The following PCDHA9 variants were observed in gnomAD, a reference collection of about 807,000 sequenced individuals.
PCDHA9 encodes protocadherin alpha-9.
A neutral mutation model predicts 62.0 loss-of-function variants in PCDHA9; 62 were observed. That is an observed-to-expected ratio of 1.00 (90% CI 0.81 to 1.23). The LOEUF (loss-of-function observed/expected upper bound fraction) is 1.23, where lower values mean the gene tolerates loss of function less well. Ranked by LOEUF, PCDHA9 falls within the 50% of genes most tolerant of loss-of-function variation. The pLI is 0.00. For synonymous variants in PCDHA9, 557 were observed against 567.6 expected (o/e 0.98, Z 0.27); for missense variants, 1,205 against 1,249.8 (o/e 0.96, Z 0.54).
chr5:140,929,071 T>C, intron 1 of PCDHA9: 1 of 1,614,122 alleles, frequency 6.2e-7, no homozygotes, highest in South Asian at 1.1e-5. Flanking sequence ...GGATCTGAGG[T>C]ATGGAAGTAA....
intron 1 of PCDHA9, among the ~76,000 whole-genome samples, chr5:140,915,068 ACTGAGTAG>A (rs2076964271): frequency 1.3e-5 from 2 of 150,322 alleles, no homozygotes; most frequent in South Asian, 4.2e-4. Context: ...GCCTTAGCCT[ACTGAGTAG>A]CTGGGACTAT....
chr5:140,991,433 T>G (rs1441155854), intron 3 of PCDHA9, among the ~76,000 whole-genome samples: 1 of 152,194 alleles, frequency 6.6e-6, no homozygotes, highest in Non-Finnish European at 1.5e-5. Context: ...AACCATAAAC[T>G]TCATGGCTTA....
intron 1 of PCDHA9, 152 bp downstream of exon 1, chr5:140,851,041 G>T: frequency 7.2e-7 from 1 of 1,393,950 alleles, no homozygotes. Context: ...TAACATTGGA[G>T]CCGACTTTGT....
In PCDHA9 at chr5:140,990,870, T is replaced by G. The variant is rs550033552; in HGVS notation, c.2542+8307T>G. Among the ~76,000 whole-genome samples, 16 of 152,274 alleles carry G rather than the reference T, an allele frequency of 1.1e-4. No individual in the cohort carries two copies. The South Asian group carries it at 3.3e-3, about 32-fold the overall frequency. On this transcript the variant is annotated intron_variant, in intron 3 of 3. Coordinates refer to ENST00000532602, the MANE Select transcript of PCDHA9 (RefSeq NM_031857.2). ...AGCCCTGAGGACATTGTATTTTAAG[T>G]GTATGTTCCAGTGAGTGGGTCGTTG...
At chr5:140,902,044 AT>A (rs1222362795) in intron 1 of PCDHA9, among the ~76,000 whole-genome samples, 1 of 152,016 alleles carries the variant, frequency 6.6e-6, no homozygotes, top group Admixed American at 6.6e-5. Flanking sequence ...TTGTATGTTG[AT>A]TTTGTATCCT....
chr5:140,947,586 A>G (rs958279437), intron 1 of PCDHA9, among the ~76,000 whole-genome samples: 1 of 151,670 alleles, frequency 6.6e-6, no homozygotes, highest in Non-Finnish European at 1.5e-5. Context: ...TAACATTTAG[A>G]TCAATTTAGG....
intron 1 of PCDHA9, among the ~76,000 whole-genome samples, chr5:140,884,903 T>C (rs1462790087): frequency 1.3e-5 from 2 of 152,268 alleles, no homozygotes; most frequent in Admixed American, 1.3e-4. Flanking sequence ...GTTTCTGTTG[T>C]ATTCTTAATA....
intron 1 of PCDHA9, chr5:140,866,443 C>T (rs974368547): frequency 2.0e-5 from 3 of 151,700 alleles, no homozygotes; most frequent in Non-Finnish European, 2.9e-5. Flanking sequence ...CTTCTTCAGT[C>T]TTATTGTTGG....
At chr5:140,853,797 T>G (rs2042870109) in intron 1 of PCDHA9, 4 of 987,438 alleles carry the variant, frequency 4.1e-6, no homozygotes, top group Non-Finnish European at 4.9e-6. Context: ...AATTTTCATT[T>G]TAAAGCACAC....
intron 1 of PCDHA9, chr5:140,883,197 TC>T: frequency 6.2e-7 from 1 of 1,613,904 alleles, no homozygotes; most frequent in Admixed American, 1.7e-5. Context: ...AAACTAGATT[TC>T]GAAGAAAAGA....
intron 1 of PCDHA9, among the ~76,000 whole-genome samples, chr5:140,904,556 T>A (rs1360933277): frequency 5.3e-5 from 8 of 151,780 alleles, no homozygotes; most frequent in Admixed American, 5.3e-4. Context: ...ATATAATGAC[T>A]TTTTTTTCCT....
intron 1 of PCDHA9, among the ~76,000 whole-genome samples, chr5:140,940,230 T>C (rs1554213224): frequency 6.6e-6 from 1 of 152,212 alleles, no homozygotes; most frequent in Non-Finnish European, 1.5e-5. Flanking sequence ...TTCATTTTGG[T>C]ACATTAAAGT....
Position 141,011,434 on chromosome 5 carries a change from C to T in PCDHA9, c.*1497C>T, listed in dbSNP as rs934032017. The T allele has an allele frequency of 6.5e-6, 1 of 153,726 alleles. No homozygotes were observed. Among genetic ancestry groups the T allele is most frequent in the Non-Finnish European group, 1.5e-5 (1 of 68,038 alleles). 9.5% of individuals were successfully genotyped at this position (153,726 alleles called of 1,614,324 possible). ...ATGTGAATGTTAATGCAACTATTAC[C>T]TAGAGTGAACTTTAAGCTTTATTGT... On this transcript the variant is annotated 3_prime_UTR_variant, in exon 4 of 4. Coordinates refer to ENST00000532602, the MANE Select transcript of PCDHA9 (RefSeq NM_031857.2).
chr5:140,927,077 G>C (rs568623488), intron 1 of PCDHA9: 29 of 1,610,728 alleles, frequency 1.8e-5, no homozygotes, highest in Non-Finnish European at 2.5e-5. Flanking sequence ...TCCAGCCACC[G>C]CGAGCTCTAC....
In PCDHA9 at chr5:140,850,629, G is replaced by C; in HGVS notation, c.2134G>C (p.Val712Leu). Residue 712 changes from valine to leucine, a missense_variant, in exon 1 of 4, where the codon GTT becomes CTT. Around this residue, in one of 3 missense-constraint regions of PCDHA9, gnomAD observed 887 missense variants for 809.5 expected, o/e 1.10. Coordinates refer to ENST00000532602, the MANE Select transcript of PCDHA9 (RefSeq NM_031857.2). The part of the protein sequence containing the change: ...IAICAVSSLL[V>L]LTLLLYTVLR... ...CATCTGCGCGGTGTCTAGCCTGTTG[G>C]TTCTCACGCTGCTGCTGTACACTGT... 6.3e-7 allele frequency: 1 copy of C among 1,598,736 alleles called. No homozygotes were observed. The highest frequency in any genetic ancestry group is 1.1e-5 in the South Asian group (1 of 90,566).
In PCDHA9 at chr5:140,856,189, C is replaced by A. The variant is rs1399826536; in HGVS notation, c.2394+5300C>A. On this transcript the variant is annotated intron_variant, in intron 1 of 3. Transcript: ENST00000532602. ...GACACGGCACCTTCGTGGGCCGCAT[C>A]GCGCAGGACCTGGGGCTGGAGCTGG... 11 of 1,598,094 alleles carry A rather than the reference C, an allele frequency of 6.9e-6. 1 individual carries two copies. In the African/African-American group the frequency reaches 1.5e-4, roughly 22 times the overall value.
chr5:140,969,166 C>T lies in PCDHA9; in HGVS notation c.2395-9783C>T, dbSNP rs1554231524. ...GCTACAAGGCCTGTCTGACAGCAGG[C>T]TCAGGGAGTGACACTTTCATGTTTT... On this transcript the variant is annotated intron_variant, in intron 1 of 3. Transcript: ENST00000532602. 2.5e-6 allele frequency: 4 copies of T among 1,614,092 alleles called. No homozygotes were observed. In the South Asian group the frequency reaches 4.4e-5, roughly 18 times the overall value.
intron 1 of PCDHA9, among the ~76,000 whole-genome samples, chr5:140,941,202 C>CTTTCTTTCTTTCTTTCTTTCTTT (rs1554213921): frequency 9.0e-5 from 11 of 122,780 alleles, no homozygotes; most frequent in East Asian, 8.9e-4. Flanking sequence ...TTTCTTTCTT[C>CTTTCTTTCTTTCTTTCTTTCTTT]CTTTCTTTCT....
chr5:140,941,239 C>CTTTCTTTCTTTCTT (rs2092937531), intron 1 of PCDHA9, among the ~76,000 whole-genome samples: 2 of 134,500 alleles, frequency 1.5e-5, no homozygotes, highest in Non-Finnish European at 1.6e-5. Context: ...TTCTTTCTTT[C>CTTTCTTTCTTTCTT]TTTCTTTCTT....
Sources: gnomAD v4.1 joint callset for allele counts (sites outside exome capture counted in the v4.1 genomes callset) on GRCh38, gnomAD v4.1.1 for gene constraint, gnomAD v4.1.1 regional missense constraint, MANE v1.5 for transcripts, NCBI Gene and HGNC (gene_info 2026-07-23, HGNC 2026-07-21) for gene names.